SCN3A: variants seen among roughly 807,000 people sequenced by gnomAD.
SCN3A encodes the protein sodium voltage-gated channel alpha subunit 3, also known as sodium channel protein type 3 subunit alpha.
A neutral mutation model predicts 187.6 loss-of-function variants in SCN3A; 60 were observed. The ratio of observed to expected loss-of-function variants is 0.32; its 90% confidence interval spans 0.26 to 0.40. The LOEUF is 0.40. Among genes scored for constraint, SCN3A ranks in the 10% least tolerant of loss-of-function variants. The probability of loss-of-function intolerance (pLI) is 1.00; values close to 1 mark genes in which losing one functional copy is unlikely to be tolerated. For synonymous variants in SCN3A, 788 were observed against 829.2 expected, an observed-to-expected ratio of 0.95 and a Z score of 0.85; for missense variants, 1,601 against 2,428.2, an observed-to-expected ratio of 0.66 and a Z score of 7.16.
chr2:165,196,439 G>A (rs776831979), intron 1 of SCN3A, among the ~76,000 whole-genome samples: 4 of 152,080 alleles, frequency 2.6e-5, no homozygotes, highest in Non-Finnish European at 4.4e-5. Flanking sequence ...AGAGATGGGT[G>A]AAGAAAGCAT....
chr2:165,173,229 C>A (rs757094704), intron 3 of SCN3A, among the ~76,000 whole-genome samples: 11 of 152,138 alleles, frequency 7.2e-5, no homozygotes, highest in Non-Finnish European at 1.3e-4. Flanking sequence ...AATGATGCAG[C>A]CAATTTTTTA....
At chr2:165,145,440 C>G (rs1688257790) in intron 12 of SCN3A, among the ~76,000 whole-genome samples, 3 of 151,914 alleles carry the variant, frequency 2.0e-5, no homozygotes, top group African/African-American at 7.2e-5. Context: ...AGTTGAATTT[C>G]TTGATATTGA....
chr2:165,115,127 C>T (rs577359351), intron 19 of SCN3A, among the ~76,000 whole-genome samples: 32 of 152,190 alleles, frequency 2.1e-4, no homozygotes, highest in Non-Finnish European at 2.9e-5. Flanking sequence ...AATCATGGCT[C>T]ACTGTAGCCT....
At chr2:165,127,604 G>A in intron 18 of SCN3A, 27 bp downstream of exon 18, 1 of 1,574,276 alleles carries the variant, frequency 6.4e-7, no homozygotes, top group Non-Finnish European at 8.7e-7. Flanking sequence ...ATAGGAAATG[G>A]AACAAAAAAT....
chr2:165,160,314 T>G (rs1899016), intron 9 of SCN3A, among the ~76,000 whole-genome samples: 34,170 of 151,684 alleles, frequency 0.23, 4,979 homozygotes, highest in East Asian at 0.51. Context: ...GCTAATAATA[T>G]AAATAATGTA....
rs200538599 is a variant in SCN3A, at chr2:165,170,518, T to C, written c.295A>G (p.Ile99Val). ...TFIVMNKGKA[I>V]FRFSATSALY... is the part of the protein sequence containing the mutation. ...GCAGAGGTGGCACTGAATCGGAAAA[T>C]TGCCTTTCCTTTATTCATTACTATA... is the stretch of plus-strand genomic sequence containing the variant. Residue 99 changes from isoleucine to valine, a missense_variant, in exon 4 of 28, where the codon ATT becomes GTT. Ile to Val is a conservative substitution (Grantham distance 29, BLOSUM62 3). Coordinates refer to ENST00000283254, the MANE Select transcript of SCN3A (RefSeq NM_006922.4). 20 of 1,610,006 alleles carry C rather than the reference T, an allele frequency of 1.2e-5. No homozygotes were observed. Among genetic ancestry groups the C allele is most frequent in the Middle Eastern group, 3.3e-4 (2 of 6,038 alleles).
intron 18 of SCN3A, among the ~76,000 whole-genome samples, chr2:165,120,350 G>C (rs1686593696): frequency 6.6e-6 from 1 of 151,832 alleles, no homozygotes; most frequent in Non-Finnish European, 1.5e-5. Context: ...CCGCCCAATA[G>C]AGTGACCTTA....
intron 11 of SCN3A, among the ~76,000 whole-genome samples, chr2:165,150,820 TA>T (rs1196693231): frequency 6.6e-6 from 1 of 152,176 alleles, no homozygotes; most frequent in Non-Finnish European, 1.5e-5. Context: ...TTAATGATAA[TA>T]GAAAAACCCA....
chr2:165,202,849 GT>G lies in SCN3A; in HGVS notation c.-248+973del, dbSNP rs1692405419. Reference sequence around the variant, plus strand: ...CCTCATAAGCCACATTATACTACCTGTTGTGTATTTTAAAACCCTGTATGAT... The same window carrying G: ...CCTCATAAGCCACATTATACTACCTGTGTGTATTTTAAAACCCTGTATGAT... On this transcript the variant is annotated intron_variant, in intron 1 of 27. Coordinates refer to ENST00000283254, the MANE Select transcript of SCN3A (RefSeq NM_006922.4). 4.6e-5 allele frequency among the ~76,000 whole-genome samples: 7 copies of G among 151,848 alleles called. 1 individual carries two copies. The South Asian group carries it at 1.5e-3, about 31-fold the overall frequency.
chr2:165,142,783 C>T (rs183520723), intron 12 of SCN3A, among the ~76,000 whole-genome samples: 2 of 150,602 alleles, frequency 1.3e-5, no homozygotes, highest in Admixed American at 1.3e-4. Flanking sequence ...CAGAGTTTCG[C>T]TCTGTCGCCC....
chr2:165,124,679 C>T (rs1686885461), intron 18 of SCN3A, among the ~76,000 whole-genome samples: 1 of 152,176 alleles, frequency 6.6e-6, no homozygotes, highest in South Asian at 2.1e-4. Flanking sequence ...CCTTTTCCAA[C>T]ATAAACTGGG....
intron 25 of SCN3A, 61 bp from the exon 26 acceptor site, chr2:165,094,539 T>A (rs999453458): frequency 9.2e-7 from 1 of 1,085,126 alleles, no homozygotes; most frequent in South Asian, 1.3e-5. Flanking sequence ...TCACAAAAAA[T>A]ATTTGTCTTT....
chr2:165,130,694 A>G (rs1687260176), intron 16 of SCN3A, among the ~76,000 whole-genome samples: 1 of 152,142 alleles, frequency 6.6e-6, no homozygotes, highest in South Asian at 2.1e-4. Flanking sequence ...CCAATATAAA[A>G]GTAAAATAAC....
chr2:165,136,363 A>G lies in SCN3A; in HGVS notation c.2391+1516T>C, dbSNP rs557500422. 4.6e-5 allele frequency among the ~76,000 whole-genome samples: 7 copies of G among 152,312 alleles called. No homozygotes were observed. The South Asian group carries it at 1.2e-3, about 27-fold the overall frequency. ...GAAATATTTTCCATCATTATTTCAA[A>G]GAAAGGTCTAAAAGGTTAATAGCAT... On this transcript the variant is annotated intron_variant, in intron 15 of 27. Coordinates refer to ENST00000283254, the MANE Select transcript of SCN3A (RefSeq NM_006922.4).
chr2:165,152,863 A>G (rs906559745), intron 11 of SCN3A, among the ~76,000 whole-genome samples: 1 of 152,142 alleles, frequency 6.6e-6, no homozygotes, highest in African/African-American at 2.4e-5. Context: ...TGGCACATGT[A>G]TGCATATGTA....
At chr2:165,202,423 G>T (rs1057098147) in intron 1 of SCN3A, among the ~76,000 whole-genome samples, 2 of 152,012 alleles carry the variant, frequency 1.3e-5, no homozygotes, top group African/African-American at 4.8e-5. Flanking sequence ...CTGTAGAGAA[G>T]CATGGTGTGT....
At chr2:165,101,718 G>GA (rs981351713) in intron 21 of SCN3A, among the ~76,000 whole-genome samples, 10 of 152,042 alleles carry the variant, frequency 6.6e-5, no homozygotes, top group South Asian at 2.1e-4. Flanking sequence ...AATTTCCTAT[G>GA]AAAAAAGGCT....
At position 165,092,299 on chromosome 2, in the gene SCN3A, C is replaced by G; in HGVS notation, c.4762G>C (p.Gly1588Arg). ...VSLRHYYFTI[G>R]WNIFDFVVVI... ...ACCACAAAGTCAAAGATGTTCCAGC[C>G]TATAGTGAAGTAGTAGTGTCTGAGG... Residue 1588 changes from glycine to arginine, a missense_variant, in exon 27 of 28, where the codon GGC (glycine) becomes CGC (arginine). Physicochemically the swap from Gly to Arg is moderately radical, Grantham distance 125. Transcript: ENST00000283254. The surrounding 1 kb of genome is among the most constrained non-coding windows in gnomAD (Gnocchi z 4.2). 1 of 1,613,950 alleles carries G rather than the reference C, an allele frequency of 6.2e-7. No homozygotes were observed. The highest frequency in any genetic ancestry group is 8.5e-7 in the Non-Finnish European group (1 of 1,179,914).
At chr2:165,184,155 G>T (rs1329009952) in intron 2 of SCN3A, among the ~76,000 whole-genome samples, 1 of 152,038 alleles carries the variant, frequency 6.6e-6, no homozygotes, top group Non-Finnish European at 1.5e-5. Context: ...ATTTATCAAA[G>T]GCATACATAG....
Sources: gnomAD v4.1 joint callset for allele counts (sites outside exome capture counted in the v4.1 genomes callset) on GRCh38, gnomAD v4.1.1 for gene constraint, Gnocchi (gnomAD v3.1) non-coding constraint, MANE v1.5 for transcripts, NCBI Gene and HGNC (gene_info 2026-07-23, HGNC 2026-07-21) for gene names.